MED12: variants seen among roughly 807,000 people sequenced by gnomAD.
The protein encoded by MED12 is mediator complex subunit 12.
A neutral mutation model predicts 177.7 loss-of-function variants in MED12; 10 were observed. The ratio of observed to expected loss-of-function variants is 0.06; its 90% CI spans 0.03 to 0.10. The LOEUF is 0.10. Ranked by LOEUF, MED12 falls within the 10% of genes least tolerant of loss-of-function variation. The probability of loss-of-function intolerance (pLI) is 1.00; values close to 1 mark genes in which losing one functional copy is unlikely to be tolerated. For synonymous variants in MED12, 641 were observed against 678.4 expected, an observed-to-expected ratio of 0.94 and a Z score of 0.86; for missense variants, 867 against 1,780.8, an observed-to-expected ratio of 0.49 and a Z score of 9.23.
rs757160341 is a variant in MED12 at position 71,140,797 on chromosome X, A to ACAGCAGCAG, written c.6220_6228dup (p.Gln2074_Gln2076dup). ...AACAGCAGCAGCAGCAGCAACAGCA[A>ACAGCAGCAG]CAGCAGCAGCAGCAGCAGCAGTACC... On this transcript the variant is annotated inframe_insertion, in exon 42 of 45. Coordinates refer to ENST00000374080, the MANE Select transcript of MED12 (RefSeq NM_005120.3). The ACAGCAGCAG allele has an allele frequency of 5.0e-6, 6 of 1,203,590 alleles. No homozygotes were observed. Among genetic ancestry groups the ACAGCAGCAG allele is most frequent in the Admixed American group, 2.2e-5 (1 of 45,684 alleles).
chrX:71,125,310 G>A (rs1186743237), intron 15 of MED12, 41 bp from the exon 16 acceptor site: 3 of 1,208,169 alleles, frequency 2.5e-6, no homozygotes, highest in Non-Finnish European at 3.4e-6. Context: ...GAGGAGGGAA[G>A]GAGATCGGTG....
chrX:71,127,497 A>C lies in MED12; in HGVS notation c.2981+30A>C, dbSNP rs754761834. 4.2e-6 allele frequency: 5 copies of C among 1,180,023 alleles called. No individual in the cohort carries two copies. In the Admixed American group the frequency reaches 1.1e-4, roughly 26 times the overall value. ...GAGAGGTGGAAGGTAAGGGGTAGCG[A>C]GTGGGACCTACTCCCTTCTTCCCAT... On this transcript the variant is annotated intron_variant, in intron 21 of 44. Transcript: ENST00000374080.
chrX:71,123,345 G>A, intron 11 of MED12, 119 bp downstream of exon 11: 1 of 1,016,737 alleles, frequency 9.8e-7, no homozygotes, highest in Non-Finnish European at 1.4e-6. Context: ...ACAGAGTAAA[G>A]AAGCAAAAGA....
chrX:71,142,015 G>A lies in MED12; in HGVS notation c.6490+51G>A, dbSNP rs1394676694. On this transcript the variant is annotated intron_variant, in intron 44 of 44. Coordinates refer to ENST00000374080, the MANE Select transcript of MED12 (RefSeq NM_005120.3). ...GAACCCCATGGAATAAATTTAGGGG[G>A]CGGGGTGGGCCAAAGTAGCTGAAAC... 2.6e-6 allele frequency: 3 copies of A among 1,162,252 alleles called. No individual in the cohort carries two copies. In the Admixed American group the frequency reaches 6.7e-5, roughly 26 times the overall value.
chrX:71,118,723 G>A lies in MED12; in HGVS notation c.-32G>A, dbSNP rs766027203. 32 of 1,182,108 alleles carry A rather than the reference G, an allele frequency of 2.7e-5. No individual in the cohort carries two copies. The African/African-American group carries it at 4.8e-4, about 18-fold the overall frequency. On this transcript the variant is annotated 5_prime_UTR_variant, in exon 1 of 45. Transcript: ENST00000374080. The stretch of plus-strand genomic sequence containing the variant: ...CCGTTCCCCCAGTCAGCCTGGCCCT[G>A]CTGGTGCCTCCGGCGCTACGGGCTG...
At chrX:71,124,524 A>G in intron 13 of MED12, 136 bp downstream of exon 13, 3 of 532,001 alleles carry the variant, frequency 5.6e-6, no homozygotes, top group Non-Finnish European at 9.5e-6. Flanking sequence ...TTGACCAAGC[A>G]CTCTCACATC....
chrX:71,127,919 C>A lies in MED12; in HGVS notation c.3008C>A (p.Thr1003Asn). 1 of 1,210,981 alleles carries A rather than the reference C, an allele frequency of 8.3e-7. No homozygotes were observed. The highest frequency in any genetic ancestry group is 1.1e-6 in the Non-Finnish European group (1 of 894,768). ...GACTTTTGCTCAAAGGTGAAGAACA[C>A]CATCTACTGCAACGTGGAGCCATCG... ...FSDFCSKVKN[T>N]IYCNVEPSES... The change falls in exon 22 of 45, where the codon ACC (threonine) becomes AAC (asparagine). Residue 1003 changes from threonine (T) to asparagine (N), a missense_variant. Coordinates refer to ENST00000374080, the MANE Select transcript of MED12 (RefSeq NM_005120.3).
intron 41 of MED12, among the ~76,000 whole-genome samples, chrX:71,139,734 A>G (rs2092341841): frequency 9.0e-6 from 1 of 110,839 alleles, no homozygotes; most frequent in Non-Finnish European, 1.9e-5. Flanking sequence ...TCCCGTCTCT[A>G]CTAAAAATAC....
Position 71,124,248 on chromosome X carries a change from A to G in MED12, c.1834A>G (p.Asn612Asp). The change falls in exon 13 of 45, where the codon AAC (asparagine) becomes GAC (aspartate). Residue 612 changes from asparagine (N) to aspartate (D), a missense_variant. Physicochemically the swap from Asn to Asp is conservative, Grantham distance 23 (BLOSUM62 1). Around this residue, in one of 14 missense-constraint regions of MED12, gnomAD observed 309 missense variants for 556.3 expected, o/e 0.56. Transcript: ENST00000374080. ...GATTCGACATGATGTTTTCTCCCAC[A>G]ACATGTATACTTGCACTCTCATCTC... ...ELIRHDVFSH[N>D]MYTCTLISRG... The G allele has an allele frequency of 2.5e-6, 3 of 1,210,955 alleles. No homozygotes were observed. Among genetic ancestry groups the G allele is most frequent in the Non-Finnish European group, 3.4e-6 (3 of 894,852 alleles).
Position 71,128,954 on chromosome X carries a change from A to G in MED12, c.3476-160A>G, listed in dbSNP as rs1012003707. The G allele has an allele frequency of 4.5e-5, 25 of 554,596 alleles. No individual in the cohort carries two copies. In the African/African-American group the frequency reaches 4.8e-4, roughly 11 times the overall value. The allele number at this position is 554,596 out of a possible 1,213,427, so 45.7% of individuals were successfully genotyped here. On this transcript the variant is annotated intron_variant, in intron 24 of 44. Coordinates refer to ENST00000374080, the MANE Select transcript of MED12 (RefSeq NM_005120.3). ...CAACTGCGTAACAGTTCTCTGCTCTACCTCGCTTTCAATATTATCTTGCTT... is the reference window on the plus strand; with the variant it reads ...CAACTGCGTAACAGTTCTCTGCTCTGCCTCGCTTTCAATATTATCTTGCTT...
chrX:71,137,695 C>T, intron 40 of MED12, 31 bp from the exon 41 acceptor site: 2 of 1,204,592 alleles, frequency 1.7e-6, no homozygotes, highest in Non-Finnish European at 2.2e-6. Context: ...ATACTCTCGG[C>T]CCTGATTCCC....
Position 71,137,247 on chromosome X carries a change from G to A in MED12, c.5612G>A (p.Arg1871Gln), listed in dbSNP as rs761581305. 9.9e-6 allele frequency: 12 copies of A among 1,211,761 alleles called. No homozygotes were observed. Among genetic ancestry groups the A allele is most frequent in the South Asian group, 1.8e-5 (1 of 56,990 alleles). The change falls in exon 39 of 45, where the codon CGA (arginine) becomes CAA (glutamine). Residue 1871 changes from arginine (R) to glutamine (Q), a missense_variant. Physicochemically the swap from Arg to Gln is conservative, Grantham distance 43. This residue lies in a region of MED12 where 236 missense variants were observed against 345.2 expected (regional missense o/e 0.68). Transcript: ENST00000374080. ...VRLPMQKLPT[R>Q]PTYPGVLPTT... ...TTACCAATGCAGAAGCTGCCCACCCGACCAACTTACCCTGGAGTGCTGCCC... is the reference window on the plus strand; with the variant it reads ...TTACCAATGCAGAAGCTGCCCACCCAACCAACTTACCCTGGAGTGCTGCCC...
chrX:71,136,170 C>A (rs2092332100), intron 36 of MED12, 111 bp from the exon 37 acceptor site: 1 of 926,067 alleles, frequency 1.1e-6, no homozygotes, highest in African/African-American at 1.9e-5. Flanking sequence ...CTGCTTCTTA[C>A]CATCTCTCCT....
At position 71,120,965 on chromosome X, in the gene MED12, C is replaced by T. The variant is rs1368225849; in HGVS notation, c.554-6C>T. 4 of 1,210,639 alleles carry T rather than the reference C, an allele frequency of 3.3e-6. No homozygotes were observed. Among genetic ancestry groups the T allele is most frequent in the Non-Finnish European group, 4.5e-6 (4 of 894,706 alleles). On this transcript the variant is annotated splice_polypyrimidine_tract_variant and splice_region_variant and intron_variant, in intron 4 of 44. Coordinates refer to ENST00000374080, the MANE Select transcript of MED12 (RefSeq NM_005120.3). ...TCAAATAGCCCTTTTTCCCTCTTTC[C>T]TCCAGAATGGACTCAGATCATCACC...
rs748336778 is a variant in MED12, at chrX:71,118,673, C to G, written c.-82C>G. 3.5e-5 allele frequency: 32 copies of G among 923,575 alleles called. No individual in the cohort carries two copies. Among genetic ancestry groups the G allele is most frequent in the African/African-American group, 7.9e-5 (4 of 50,883 alleles). 76.1% of individuals were successfully genotyped at this position (923,575 alleles called of 1,213,427 possible). ...CCGCCGTCCTCTCAACCACCGCCCCCCTTTTCGGCTCCCTCTCCCCCTTCC... is the reference window on the plus strand; with the variant it reads ...CCGCCGTCCTCTCAACCACCGCCCCGCTTTTCGGCTCCCTCTCCCCCTTCC... On this transcript the variant is annotated 5_prime_UTR_variant, in exon 1 of 45. Transcript: ENST00000374080.
In MED12 at chrX:71,126,322, C is replaced by T; in HGVS notation, c.2542-19C>T. The T allele has an allele frequency of 1.7e-6, 2 of 1,211,829 alleles. No homozygotes were observed. Among genetic ancestry groups the T allele is most frequent in the Admixed American group, 2.2e-5 (1 of 46,129 alleles). On this transcript the variant is annotated intron_variant, in intron 18 of 44. Coordinates refer to ENST00000374080, the MANE Select transcript of MED12 (RefSeq NM_005120.3). The stretch of plus-strand genomic sequence containing the variant: ...CTTTCCTCTCTCCACTCCCATCTCA[C>T]TCCCACTGCCCTTATCAGGTCTCCC...
At chrX:71,135,950 C>T (rs1683258068) in intron 36 of MED12, among the ~76,000 whole-genome samples, 1 of 109,213 alleles carries the variant, frequency 9.2e-6, no homozygotes, top group African/African-American at 3.4e-5. Context: ...GTCAATCCCT[C>T]TCCCTCCCCG....
chrX:71,136,530 C>G lies in MED12; in HGVS notation c.5275C>G (p.Pro1759Ala). Reference sequence around the variant, plus strand: ...GCCGCCTGCTCCTACCCTGCTAGAGCCTGAGAAAAAGGCTCCAGAGCCCCC... The same window carrying G: ...GCCGCCTGCTCCTACCCTGCTAGAGGCTGAGAAAAAGGCTCCAGAGCCCCC... ...EEPPAPTLLE[P>A]EKKAPEPPKT... Residue 1759 changes from proline (P) to alanine (A), a missense_variant, in exon 37 of 45, where the codon CCT becomes GCT. Around this residue, in one of 14 missense-constraint regions of MED12, gnomAD observed 236 missense variants for 345.2 expected, o/e 0.68. Transcript: ENST00000374080. 1 of 1,198,962 alleles carries G rather than the reference C, an allele frequency of 8.3e-7. No homozygotes were observed.
chrX:71,121,312 C>T lies in MED12; in HGVS notation c.736-15C>T. 1 of 1,203,426 alleles carries T rather than the reference C, an allele frequency of 8.3e-7. No homozygotes were observed. The highest frequency in any genetic ancestry group is 1.1e-6 in the Non-Finnish European group (1 of 889,038). ...ATCTCTAATAGTCCCCTCTTCCCTCCCCTGGTACCCATAGGATGGAATGCT... is the reference window on the plus strand; with the variant it reads ...ATCTCTAATAGTCCCCTCTTCCCTCTCCTGGTACCCATAGGATGGAATGCT... On this transcript the variant is annotated splice_polypyrimidine_tract_variant and intron_variant, in intron 5 of 44. Transcript: ENST00000374080.
Sources: gnomAD v4.1 joint callset for allele counts (sites outside exome capture counted in the v4.1 genomes callset) on GRCh38, gnomAD v4.1.1 for gene constraint, gnomAD v4.1.1 regional missense constraint, MANE v1.5 for transcripts, NCBI Gene and HGNC (gene_info 2026-07-23, HGNC 2026-07-21) for gene names.